TMLHE: variants seen among roughly 807,000 people sequenced by gnomAD.
TMLHE encodes trimethyllysine dioxygenase, mitochondrial.
Under a neutral mutation model 25.7 loss-of-function variants are expected in TMLHE, and 18 were observed. The observed-to-expected ratio is 0.70, with a 90% CI of 0.48 to 1.04. TMLHE has a LOEUF of 1.04. TMLHE is among the 50% of genes least tolerant of loss of function. TMLHE has a pLI of 0.00. For synonymous variants in TMLHE, 105 were observed against 97.0 expected (o/e 1.08, Z -0.49); for missense variants, 236 against 259.0 (o/e 0.91, Z 0.61).
intron 1 of TMLHE, among the ~76,000 whole-genome samples, chrX:155,603,328 G>A (rs987813842): frequency 4.0e-5 from 4 of 99,967 alleles, no homozygotes; most frequent in Non-Finnish European, 6.0e-5. Flanking sequence ...AGACCCTGTC[G>A]AAAGAAAGAA....
Position 155,514,081 on chromosome X carries a change from C to G in TMLHE, c.543G>C (p.Leu181=). 2 of 1,211,045 alleles carry G rather than the reference C, an allele frequency of 1.7e-6. No individual in the cohort carries two copies. Among genetic ancestry groups the G allele is most frequent in the Non-Finnish European group, 2.2e-6 (2 of 895,045 alleles). The change falls in exon 4 of 8, where the codon CTG becomes CTC. Residue 181 remains leucine (L), a synonymous_variant. Coordinates refer to ENST00000334398, the MANE Select transcript of TMLHE (RefSeq NM_018196.4). ...LETNEGLKKF[L]QNFLLYGIAF... ...CAATTCCATAGAGCAGAAAGTTTTGCAGAAACTTCTTCAGTCCCTCGTTGG... is the reference window on the plus strand; with the variant it reads ...CAATTCCATAGAGCAGAAAGTTTTGGAGAAACTTCTTCAGTCCCTCGTTGG...
intron 1 of TMLHE, among the ~76,000 whole-genome samples, chrX:155,576,264 C>T (rs1373350103): frequency 9.0e-6 from 1 of 111,074 alleles, no homozygotes; most frequent in African/African-American, 3.3e-5. Context: ...TCACAACAGC[C>T]ACAAGAAGAA....
intron 1 of TMLHE, among the ~76,000 whole-genome samples, chrX:155,602,010 C>T (rs1053007391): frequency 1.8e-5 from 2 of 110,996 alleles, no homozygotes; most frequent in Non-Finnish European, 3.8e-5. Context: ...AACATATACA[C>T]ATCTGACAAC....
chrX:155,528,931 T>C (rs377643395), intron 2 of TMLHE, among the ~76,000 whole-genome samples: 2 of 112,014 alleles, frequency 1.8e-5, no homozygotes, highest in East Asian at 5.6e-4. Context: ...ATGGTTATAA[T>C]AGTAAAAATA....
rs2067570668 is a variant in TMLHE, at chrX:155,573,586, A to G, written c.-1-28309T>C. Among the ~76,000 whole-genome samples, 2 of 56,495 alleles carry G rather than the reference A, an allele frequency of 3.5e-5. 1 individual carries two copies. The highest frequency in any genetic ancestry group is 8.5e-5 in the African/African-American group (2 of 23,626). 49.1% of individuals were successfully genotyped at this position (56,495 alleles called of 115,157 possible). ...TAGCGAAGACTTGGAACCAACCCAA[A>G]TGTCCAACAATGATAGACTGGATTA... is the stretch of plus-strand genomic sequence containing the variant. On this transcript the variant is annotated intron_variant, in intron 1 of 7. Transcript: ENST00000334398.
At chrX:155,594,683 A>G (rs1557346345) in intron 1 of TMLHE, among the ~76,000 whole-genome samples, 1 of 112,467 alleles carries the variant, frequency 8.9e-6, no homozygotes, top group Non-Finnish European at 1.9e-5. Context: ...TTATCAAGGG[A>G]TATAAATTAC....
At chrX:155,509,175 A>G (rs2067092518) in intron 5 of TMLHE, among the ~76,000 whole-genome samples, 1 of 112,030 alleles carries the variant, frequency 8.9e-6, no homozygotes, top group African/African-American at 3.2e-5. Flanking sequence ...TGTGTCAGGC[A>G]GTATGATCAT....
chrX:155,545,161 A>G lies in TMLHE; in HGVS notation c.116T>C (p.Val39Ala). ...CTTGGAGGCTGTATGGTGCCAATGG[A>G]CAGCTAAAGGAAGTAAGCTTTTGAA... ...PNFKSLLPLA[V>A]HWHHTASKSL... is the part of the protein sequence containing the mutation. Residue 39 changes from valine to alanine, a missense_variant, in exon 2 of 8, where the codon GTC becomes GCC. Val to Ala is a moderately conservative substitution (Grantham distance 64, BLOSUM62 0). Coordinates refer to ENST00000334398, the MANE Select transcript of TMLHE (RefSeq NM_018196.4). The G allele has an allele frequency of 8.3e-7, 1 of 1,210,205 alleles. No homozygotes were observed. Among genetic ancestry groups the G allele is most frequent in the East Asian group, 3.0e-5 (1 of 33,800 alleles).
At chrX:155,598,214 G>A (rs1405130160) in intron 1 of TMLHE, among the ~76,000 whole-genome samples, 1 of 111,535 alleles carries the variant, frequency 9.0e-6, no homozygotes, top group Non-Finnish European at 1.9e-5. Context: ...GAAAGAAGAT[G>A]TAGATGAAGC....
intron 2 of TMLHE, among the ~76,000 whole-genome samples, chrX:155,539,122 T>C (rs2067296623): frequency 9.0e-6 from 1 of 111,439 alleles, no homozygotes; most frequent in South Asian, 3.7e-4. Flanking sequence ...GCTTGGTGCA[T>C]TGTAACTGAG....
intron 6 of TMLHE, among the ~76,000 whole-genome samples, chrX:155,506,571 T>G (rs997385917): frequency 1.6e-4 from 18 of 111,750 alleles, no homozygotes; most frequent in Non-Finnish European, 3.0e-4. Context: ...AAATCTGGGC[T>G]GGATACATAA....
At position 155,512,757 on chromosome X, in the gene TMLHE, C is replaced by G. The variant is rs139684867; in HGVS notation, c.639-965G>C. The stretch of plus-strand genomic sequence containing the variant: ...CAGAAGTGATTAATGTAGATCCTCA[C>G]TCATCTTTTGGACATGGAGGAATAA... On this transcript the variant is annotated intron_variant, in intron 4 of 7. Coordinates refer to ENST00000334398, the MANE Select transcript of TMLHE (RefSeq NM_018196.4). 6.8e-3 allele frequency among the ~76,000 whole-genome samples: 762 copies of G among 111,673 alleles called. 6 individuals carry two copies. Among genetic ancestry groups the G allele is most frequent in the African/African-American group, 0.023 (722 of 30,732 alleles).
chrX:155,524,137 A>G (rs782461835), intron 3 of TMLHE: 1 of 178,009 alleles, frequency 5.6e-6, no homozygotes, highest in African/African-American at 3.0e-5. Flanking sequence ...TTGACTTACT[A>G]TAATAGAATT....
chrX:155,548,589 G>C lies in TMLHE; in HGVS notation c.-1-3312C>G, dbSNP rs192595421. Among the ~76,000 whole-genome samples the C allele has an allele frequency of 4.6e-5, 5 of 108,903 alleles. No homozygotes were observed. The Admixed American group carries it at 4.8e-4, about 11-fold the overall frequency. 94.6% of individuals were successfully genotyped at this position (108,903 alleles called of 115,157 possible). On this transcript the variant is annotated intron_variant, in intron 1 of 7. Coordinates refer to ENST00000334398, the MANE Select transcript of TMLHE (RefSeq NM_018196.4). ...TCTCTACTAAAAAATACAAAAATTA[G>C]CCGGGTGTGGTGGCACACACCTGTA...
intron 1 of TMLHE, among the ~76,000 whole-genome samples, chrX:155,547,648 TCCA>T (rs2067360591): frequency 9.1e-6 from 1 of 109,643 alleles, no homozygotes; most frequent in Non-Finnish European, 1.9e-5. Context: ...GTGGTGGAGC[TCCA>T]CATGACTAGT....
intron 1 of TMLHE, among the ~76,000 whole-genome samples, chrX:155,591,601 T>A (rs1263827875): frequency 1.8e-5 from 2 of 111,185 alleles, no homozygotes; most frequent in African/African-American, 6.5e-5. Context: ...CAAGGGGAAA[T>A]TTTTTTTGAA....
At chrX:155,597,584 G>A (rs1557346708) in intron 1 of TMLHE, among the ~76,000 whole-genome samples, 2 of 111,600 alleles carry the variant, frequency 1.8e-5, no homozygotes, top group Non-Finnish European at 3.8e-5. Context: ...TAGCAAGGAC[G>A]TGGAACCAGC....
chrX:155,548,008 A>G (rs1243761037), intron 1 of TMLHE, among the ~76,000 whole-genome samples: 1 of 111,631 alleles, frequency 9.0e-6, no homozygotes, highest in Non-Finnish European at 1.9e-5. Flanking sequence ...ACCAGTTTCA[A>G]TTTTTAGAAA....
intron 1 of TMLHE, among the ~76,000 whole-genome samples, chrX:155,603,369 TGAAAGAAAGAAAGAAA>T (rs202078084): frequency 1.9e-4 from 19 of 99,308 alleles, no homozygotes; most frequent in South Asian, 4.6e-4. Flanking sequence ...AAAGAAAGAA[TGAAAGAAAGAAAGAAA>T]GAAAGAAAGA....
Sources: allele counts gnomAD v4.1 joint callset (sites outside exome capture counted in the v4.1 genomes callset), GRCh38; gene constraint gnomAD v4.1.1; transcripts MANE v1.5; gene names NCBI Gene and HGNC (gene_info 2026-07-23, HGNC 2026-07-21).